RALY: variants seen among roughly 807,000 people sequenced by gnomAD.
RALY encodes RALY heterogeneous nuclear ribonucleoprotein, also known as RNA-binding protein Raly.
RALY carries 15 observed loss-of-function variants against 30.7 expected under a neutral mutation model. The observed-to-expected ratio is 0.49, with a 90% CI of 0.33 to 0.75. The LOEUF is 0.75. RALY is among the 30% of genes least tolerant of loss of function. RALY has a pLI of 0.02. For synonymous variants in RALY, 177 were observed against 170.8 expected, an observed-to-expected ratio of 1.04 and a Z score of -0.28; for missense variants, 339 against 414.3, an observed-to-expected ratio of 0.82 and a Z score of 1.58.
Position 33,994,101 on chromosome 20 carries a change from C to T in RALY, c.-123C>T, listed in dbSNP as rs1207874820. The T allele has an allele frequency of 6.6e-6, 1 of 152,456 alleles. No homozygotes were observed. The highest frequency in any genetic ancestry group is 2.4e-5 in the African/African-American group (1 of 41,472). 9.4% of individuals were successfully genotyped at this position (152,456 alleles called of 1,614,324 possible). A position where few individuals can be genotyped will look rare whatever the true frequency, so the allele number is the denominator to read the frequency against. On this transcript the variant is annotated 5_prime_UTR_variant, in exon 1 of 10. Transcript: ENST00000246194. ...GCGGCAGTACCGCCTCCTTCCCAGC[C>T]GCGCGGCTTCCTCCAGACCTCTCGG...
intron 2 of RALY, among the ~76,000 whole-genome samples, chr20:34,043,299 G>T (rs539438200): frequency 9.8e-5 from 15 of 152,306 alleles, no homozygotes; most frequent in East Asian, 7.7e-4. Context: ...TTTATTTTAT[G>T]TGCAGAGCCA....
At chr20:34,056,706 A>G (rs1433767415) in intron 2 of RALY, among the ~76,000 whole-genome samples, 2 of 152,196 alleles carry the variant, frequency 1.3e-5, no homozygotes, top group African/African-American at 4.8e-5. Context: ...TGAAAACAGT[A>G]ATGAGGATTT....
intron 1 of RALY, among the ~76,000 whole-genome samples, chr20:34,026,645 C>T (rs922446568): frequency 1.3e-5 from 2 of 151,726 alleles, no homozygotes; most frequent in Non-Finnish European, 2.9e-5. Flanking sequence ...CTCCTGATCT[C>T]GTGATCCGCC....
chr20:34,078,323 A>G (rs1169233820), intron 8 of RALY, among the ~76,000 whole-genome samples, 182 bp from the exon 9 acceptor site: 1 of 152,196 alleles, frequency 6.6e-6, no homozygotes, highest in Non-Finnish European at 1.5e-5. Context: ...CCACCCTTCC[A>G]AGTTCCCAAG....
At chr20:34,046,545 G>T (rs2032885444) in intron 2 of RALY, among the ~76,000 whole-genome samples, 3 of 152,126 alleles carry the variant, frequency 2.0e-5, no homozygotes, top group African/African-American at 7.2e-5. Context: ...TACTTAATAG[G>T]TAACATTTCT....
At chr20:34,030,952 T>C (rs1442595108) in intron 1 of RALY, among the ~76,000 whole-genome samples, 1 of 152,130 alleles carries the variant, frequency 6.6e-6, no homozygotes, top group East Asian at 1.9e-4. Context: ...TTATCTAAAA[T>C]AGACTTCACC....
chr20:34,026,434 G>A (rs569119219), intron 1 of RALY, among the ~76,000 whole-genome samples: 1 of 150,494 alleles, frequency 6.6e-6, no homozygotes, highest in Non-Finnish European at 1.5e-5. Context: ...GCGGAGTCTC[G>A]CTCTGTCGCC....
chr20:34,035,171 A>C (rs899568292), intron 2 of RALY, among the ~76,000 whole-genome samples: 54 of 133,280 alleles, frequency 4.1e-4, no homozygotes, highest in South Asian at 8.8e-4. Flanking sequence ...AAAAAAAAAA[A>C]AAAAAAAAAA....
At chr20:34,052,376 G>A (rs2033106240) in intron 2 of RALY, among the ~76,000 whole-genome samples, 1 of 152,124 alleles carries the variant, frequency 6.6e-6, no homozygotes, top group Non-Finnish European at 1.5e-5. Context: ...TAATTTTTAA[G>A]ATGAGGGAAG....
intron 2 of RALY, among the ~76,000 whole-genome samples, chr20:34,057,426 G>T (rs2033279868): frequency 6.6e-6 from 1 of 152,168 alleles, no homozygotes; most frequent in Admixed American, 6.5e-5. Context: ...CCAGCACTTT[G>T]GGAGGCTGAG....
Position 34,081,353 on chromosome 20 carries a change from C to T in RALY, c.*1448C>T, listed in dbSNP as rs1017841650. The T allele has an allele frequency of 5.3e-5, 8 of 152,288 alleles. No homozygotes were observed. Among genetic ancestry groups the T allele is most frequent in the African/African-American group, 1.9e-4 (8 of 41,424 alleles). The allele number at this position is 152,288 out of a possible 1,614,324, so 9.4% of individuals were successfully genotyped here. On this transcript the variant is annotated 3_prime_UTR_variant, in exon 10 of 10. Coordinates refer to ENST00000246194, the MANE Select transcript of RALY (RefSeq NM_016732.3). The stretch of plus-strand genomic sequence containing the variant: ...TTTCTCTACCTGGGAAATAGCCGCT[C>T]AGGACGAAGCTGCTGCTGTGGTGTC...
At chr20:34,059,668 T>G (rs544124069) in intron 2 of RALY, among the ~76,000 whole-genome samples, 10 of 152,294 alleles carry the variant, frequency 6.6e-5, no homozygotes, top group African/African-American at 2.4e-4. Context: ...CATTACTATT[T>G]TAACTTAGAG....
chr20:34,074,017 ACTGGGGT>A (rs2033804918), intron 5 of RALY, 151 bp downstream of exon 5: 1 of 795,716 alleles, frequency 1.3e-6, no homozygotes, highest in African/African-American at 1.7e-5. Flanking sequence ...CAGAGCTGAG[ACTGGGGT>A]CCTGTGCTGC....
rs2030452474 is a variant in RALY at position 33,994,093 on chromosome 20, T to G, written c.-131T>G. ...CCCCGAGTGCGGCAGTACCGCCTCC[T>G]TCCCAGCCGCGCGGCTTCCTCCAGA... On this transcript the variant is annotated 5_prime_UTR_variant, in exon 1 of 10. Transcript: ENST00000246194. 1 of 152,396 alleles carries G rather than the reference T, an allele frequency of 6.6e-6. No homozygotes were observed. Among genetic ancestry groups the G allele is most frequent in the Non-Finnish European group, 1.5e-5 (1 of 68,194 alleles). The allele number at this position is 152,396 out of a possible 1,614,324, so 9.4% of individuals were successfully genotyped here. A position where few individuals can be genotyped will look rare whatever the true frequency, so the allele number is the denominator to read the frequency against.
chr20:34,062,367 G>A (rs570492842), intron 2 of RALY, among the ~76,000 whole-genome samples: 1 of 152,154 alleles, frequency 6.6e-6, no homozygotes, highest in South Asian at 2.1e-4. Context: ...ATTTCCTTAT[G>A]TCTGCCTGTC....
At chr20:34,070,798 G>A (rs1393603847) in intron 2 of RALY, among the ~76,000 whole-genome samples, 1 of 152,182 alleles carries the variant, frequency 6.6e-6, no homozygotes, top group Non-Finnish European at 1.5e-5. Flanking sequence ...CACAGCGAGT[G>A]CCTGGTGAGG....
At chr20:34,034,540 A>G (rs1045379653) in intron 2 of RALY, among the ~76,000 whole-genome samples, 33 of 152,220 alleles carry the variant, frequency 2.2e-4, no homozygotes, top group African/African-American at 8.0e-4. Context: ...GAATGATTCC[A>G]CGTAAATAAG....
chr20:34,001,721 G>GT (rs1011612801), intron 1 of RALY, among the ~76,000 whole-genome samples: 2 of 152,056 alleles, frequency 1.3e-5, no homozygotes, highest in African/African-American at 4.8e-5. Context: ...CTAGATTTGG[G>GT]TTTTTTTGGT....
chr20:34,025,593 C>G (rs1446907310), intron 1 of RALY, among the ~76,000 whole-genome samples: 2 of 152,072 alleles, frequency 1.3e-5, no homozygotes, highest in South Asian at 2.1e-4. Context: ...CGTGAGCCAC[C>G]TCACCTGGCC....
Sources: gnomAD v4.1 joint callset for allele counts (sites outside exome capture counted in the v4.1 genomes callset) on GRCh38, gnomAD v4.1.1 for gene constraint, MANE v1.5 for transcripts, NCBI Gene and HGNC (gene_info 2026-07-23, HGNC 2026-07-21) for gene names.